The following SEZ6L variants were observed in gnomAD, a reference collection of about 807,000 sequenced individuals.
SEZ6L encodes the protein seizure 6-like protein.
Under a neutral mutation model 106.2 loss-of-function variants are expected in SEZ6L, and 37 were observed. The observed-to-expected ratio is 0.35, with a 90% confidence interval of 0.27 to 0.46. SEZ6L has a LOEUF of 0.46. SEZ6L is among the 20% of genes least tolerant of loss of function. The pLI, the probability that SEZ6L is intolerant of heterozygous loss-of-function variation, is 1.00. For synonymous variants in SEZ6L, 541 were observed against 570.4 expected, an observed-to-expected ratio of 0.95 and a Z score of 0.73; for missense variants, 1,172 against 1,332.8, an observed-to-expected ratio of 0.88 and a Z score of 1.88.
chr22:26,229,235 G>A (rs1400370831), intron 1 of SEZ6L, among the ~76,000 whole-genome samples: 1 of 152,166 alleles, frequency 6.6e-6, no homozygotes, highest in East Asian at 1.9e-4. Context: ...GACCTCAGGT[G>A]ATCCACCCGC....
chr22:26,257,041 C>A (rs533404386), intron 1 of SEZ6L, among the ~76,000 whole-genome samples: 3 of 152,264 alleles, frequency 2.0e-5, no homozygotes, highest in African/African-American at 7.2e-5. Flanking sequence ...AAGGGACATA[C>A]GGAAATGTCT....
chr22:26,235,096 A>G lies in SEZ6L; in HGVS notation c.95-57310A>G, dbSNP rs1225791933. On this transcript the variant is annotated intron_variant, in intron 1 of 16. Coordinates refer to ENST00000248933, the MANE Select transcript of SEZ6L (RefSeq NM_021115.5). ...CTTTGCCTTCTCTTCCATCCCCTACAGTAGTGAAAACAGGACCTAGTCATA... is the reference window on the plus strand; with the variant it reads ...CTTTGCCTTCTCTTCCATCCCCTACGGTAGTGAAAACAGGACCTAGTCATA... Among the ~76,000 whole-genome samples the G allele has an allele frequency of 2.6e-5, 4 of 152,314 alleles. No individual in the cohort carries two copies. In the South Asian group the frequency reaches 6.2e-4, roughly 24 times the overall value.
intron 9 of SEZ6L, among the ~76,000 whole-genome samples, chr22:26,323,331 T>C (rs558715106): frequency 2.0e-5 from 3 of 152,320 alleles, no homozygotes; most frequent in South Asian, 4.1e-4. Flanking sequence ...TAAATATCTG[T>C]TGAATGAAAG....
chr22:26,266,530 A>G (rs537241195), intron 1 of SEZ6L, among the ~76,000 whole-genome samples: 7 of 151,894 alleles, frequency 4.6e-5, no homozygotes, highest in South Asian at 2.1e-4. Context: ...CCGAGATCGC[A>G]CCACTGCACT....
intron 3 of SEZ6L, among the ~76,000 whole-genome samples, chr22:26,294,652 C>T (rs137207): frequency 0.32 from 48,650 of 151,746 alleles, 8,433 homozygotes; most frequent in Non-Finnish European, 0.38. Flanking sequence ...TGAGGTATTT[C>T]CCAGAAGGAA....
rs190103586 is a variant in SEZ6L, at chr22:26,188,145, T to G, written c.94+18382T>G. Reference sequence around the variant, plus strand: ...CAGCAAATCTCATATGATTTCCACATGTACCCTCTTCCAGGGAGCCTTCCC... The same window carrying G: ...CAGCAAATCTCATATGATTTCCACAGGTACCCTCTTCCAGGGAGCCTTCCC... On this transcript the variant is annotated intron_variant, in intron 1 of 16. Transcript: ENST00000248933. Among the ~76,000 whole-genome samples, 39 of 152,324 alleles carry G rather than the reference T, an allele frequency of 2.6e-4. 1 individual carries two copies. In the East Asian group the frequency reaches 7.1e-3, roughly 28 times the overall value.
intron 1 of SEZ6L, among the ~76,000 whole-genome samples, chr22:26,191,226 C>T (rs1195409290): frequency 6.6e-6 from 1 of 152,086 alleles, no homozygotes; most frequent in Non-Finnish European, 1.5e-5. Context: ...CCAGCAATCC[C>T]ATTACTGGGT....
chr22:26,369,401 T>G (rs1383131774), intron 13 of SEZ6L, among the ~76,000 whole-genome samples: 3 of 139,538 alleles, frequency 2.1e-5, no homozygotes, highest in African/African-American at 5.5e-5. Context: ...GTGCAGTGGC[T>G]GGATCTCGGC....
intron 9 of SEZ6L, among the ~76,000 whole-genome samples, chr22:26,331,854 G>A (rs1276760131): frequency 2.0e-5 from 3 of 152,012 alleles, no homozygotes; most frequent in South Asian, 4.2e-4. Context: ...ATGGTGGCAC[G>A]TGCCTGTAAT....
At chr22:26,320,159 T>C (rs1203459236) in intron 9 of SEZ6L, among the ~76,000 whole-genome samples, 1 of 152,224 alleles carries the variant, frequency 6.6e-6, no homozygotes, top group African/African-American at 2.4e-5. Context: ...TGTGTCATCA[T>C]GGACCTTAGA....
intron 1 of SEZ6L, among the ~76,000 whole-genome samples, chr22:26,206,440 T>C (rs1941276968): frequency 6.6e-6 from 1 of 152,228 alleles, no homozygotes; most frequent in Admixed American, 6.5e-5. Flanking sequence ...ATGTCTTATC[T>C]TAACTACCTT....
At chr22:26,181,562 G>A (rs1165984559) in intron 1 of SEZ6L, among the ~76,000 whole-genome samples, 1 of 152,180 alleles carries the variant, frequency 6.6e-6, no homozygotes, top group Non-Finnish European at 1.5e-5. Flanking sequence ...GTTGCTATTT[G>A]TAGTTGTGGC....
At chr22:26,338,591 G>A (rs112551196) in intron 9 of SEZ6L, among the ~76,000 whole-genome samples, 30,094 of 151,340 alleles carry the variant, frequency 0.2, 3,706 homozygotes, top group South Asian at 0.27. Context: ...ACAGGGTCTC[G>A]CTTCTTTGCC....
intron 9 of SEZ6L, among the ~76,000 whole-genome samples, chr22:26,339,149 C>T (rs2082744523): frequency 6.6e-6 from 1 of 152,072 alleles, no homozygotes; most frequent in African/African-American, 2.4e-5. Flanking sequence ...TTGGTTATAA[C>T]TCCTGCCACA....
rs1235470776 is a variant in SEZ6L at position 26,348,565 on chromosome 22, G to GGAAAGAAAGAAAGAAAGAAA, written c.2407+655_2407+674dup. On this transcript the variant is annotated intron_variant, in intron 11 of 16. Transcript: ENST00000248933. Reference sequence around the variant, plus strand: ...AGGAAGGAAGGAAGGAAGGAAGGGAGGAAAGAAAGAAAGAAAGAAAGAGAA... The same window carrying GGAAAGAAAGAAAGAAAGAAA: ...AGGAAGGAAGGAAGGAAGGAAGGGAGGAAAGAAAGAAAGAAAGAAAGAAAGAAAGAAAGAAAGAAAGAGAA... Among the ~76,000 whole-genome samples the GGAAAGAAAGAAAGAAAGAAA allele has an allele frequency of 2.0e-4, 7 of 34,722 alleles. 1 individual carries two copies. The highest frequency in any genetic ancestry group is 8.8e-4 in the African/African-American group (7 of 7,928). 22.8% of individuals were successfully genotyped at this position (34,722 alleles called of 152,430 possible). A position where few individuals can be genotyped will look rare whatever the true frequency, so the allele number is the denominator to read the frequency against.
intron 1 of SEZ6L, among the ~76,000 whole-genome samples, chr22:26,226,570 T>C (rs2078639924): frequency 6.6e-6 from 1 of 152,216 alleles, no homozygotes; most frequent in South Asian, 2.1e-4. Flanking sequence ...TTTTTGTGTG[T>C]ATATGTATGT....
chr22:26,338,991 A>G (rs936446708), intron 9 of SEZ6L, among the ~76,000 whole-genome samples: 6 of 148,072 alleles, frequency 4.1e-5, no homozygotes, highest in African/African-American at 1.5e-4. Flanking sequence ...GGTGTAAGCC[A>G]CTGCACCTGG....
At chr22:26,331,825 A>G (rs993654876) in intron 9 of SEZ6L, among the ~76,000 whole-genome samples, 1 of 151,910 alleles carries the variant, frequency 6.6e-6, no homozygotes, top group Non-Finnish European at 1.5e-5. Context: ...TCCACTAAAA[A>G]CACAAAAATT....
chr22:26,330,673 T>C (rs542512789), intron 9 of SEZ6L, among the ~76,000 whole-genome samples: 1 of 152,274 alleles, frequency 6.6e-6, no homozygotes, highest in African/African-American at 2.4e-5. Flanking sequence ...TGGACTTTAG[T>C]CTGTGGGCTA....
Sources: gnomAD v4.1 joint callset for allele counts (sites outside exome capture counted in the v4.1 genomes callset) on GRCh38, gnomAD v4.1.1 for gene constraint, MANE v1.5 for transcripts, NCBI Gene and HGNC (gene_info 2026-07-23, HGNC 2026-07-21) for gene names.